Variants in FYB2 observed in about 807,000 individuals in gnomAD.
FYB2 encodes the protein FYN-binding protein 2.
A neutral mutation model predicts 94.1 loss-of-function variants in FYB2; 103 were observed. The ratio of observed to expected loss-of-function variants is 1.09; its 90% CI spans 0.93 to 1.29. The LOEUF (loss-of-function observed/expected upper bound fraction) is 1.29. FYB2 is among the 50% of genes most tolerant of loss of function. The pLI, the probability that FYB2 is intolerant of heterozygous loss-of-function variation, is 0.00. For missense variants in FYB2, 896 were observed against 841.5 expected, an observed-to-expected ratio of 1.06 and a Z score of -0.80; for synonymous variants, 293 against 287.9, an observed-to-expected ratio of 1.02 and a Z score of -0.18.
chr1:56,775,300 C>A (rs1228277488), intron 4 of FYB2, among the ~76,000 whole-genome samples: 1 of 152,080 alleles, frequency 6.6e-6, no homozygotes, highest in Non-Finnish European at 1.5e-5. Flanking sequence ...ATATGTAACC[C>A]AGTTATTTCT....
chr1:56,745,516 A>G (rs1645048186), intron 9 of FYB2, among the ~76,000 whole-genome samples: 1 of 151,960 alleles, frequency 6.6e-6, no homozygotes, highest in Non-Finnish European at 1.5e-5. Flanking sequence ...CTTCCAATCC[A>G]AAGCCATCTG....
chr1:56,745,963 G>A (rs551449248), intron 9 of FYB2, among the ~76,000 whole-genome samples: 1 of 151,910 alleles, frequency 6.6e-6, no homozygotes, highest in South Asian at 2.1e-4. Flanking sequence ...TCATATCCTA[G>A]ATACACATAT....
intron 6 of FYB2, among the ~76,000 whole-genome samples, chr1:56,758,387 T>A (rs1044113015): frequency 1.3e-5 from 2 of 152,080 alleles, no homozygotes; most frequent in African/African-American, 4.8e-5. Context: ...CTAAGGGGTC[T>A]GAAAGCCAGG....
In FYB2 at chr1:56,740,781, T is replaced by A. The variant is rs1235158238; in HGVS notation, c.1619A>T (p.Glu540Val). 3.1e-6 allele frequency: 5 copies of A among 1,602,154 alleles called. No homozygotes were observed. The African/African-American group carries it at 4.0e-5, about 13-fold the overall frequency. ...NYPKIDLDGK[E>V]ALKRLQQFFK... ...GAATTGCTGCAGTCTTTTGAGTGCT[T>A]CTTTTCCATCTAAACTGAGAGGAAT... The change falls in exon 13 of 20, where the codon GAA (glutamate) becomes GTA (valine). Residue 540 changes from glutamate to valine, a missense_variant. Transcript: ENST00000343433.
At chr1:56,815,179 C>T (rs551553868) in intron 1 of FYB2, among the ~76,000 whole-genome samples, 1 of 152,254 alleles carries the variant, frequency 6.6e-6, no homozygotes, top group South Asian at 2.1e-4. Flanking sequence ...TATCACCCTG[C>T]CATATTACCC....
intron 3 of FYB2, 29 bp downstream of exon 3, chr1:56,788,944 C>G (rs910993182): frequency 6.2e-7 from 1 of 1,613,826 alleles, no homozygotes; most frequent in Non-Finnish European, 8.5e-7. Context: ...CCTGGTTGGC[C>G]TTGTGTAGGG....
intron 1 of FYB2, among the ~76,000 whole-genome samples, chr1:56,817,565 G>A (rs972623992): frequency 2.0e-5 from 3 of 152,088 alleles, no homozygotes; most frequent in African/African-American, 4.8e-5. Context: ...ATCTTCAACC[G>A]TTTGGTTCAC....
intron 4 of FYB2, among the ~76,000 whole-genome samples, chr1:56,774,092 A>C (rs1048600237): frequency 6.6e-6 from 1 of 152,218 alleles, no homozygotes; most frequent in Non-Finnish European, 1.5e-5. Flanking sequence ...GTTCAAAAAA[A>C]TATATGATGA....
At chr1:56,731,228 A>G (rs1209079841) in intron 15 of FYB2, among the ~76,000 whole-genome samples, 2 of 152,166 alleles carry the variant, frequency 1.3e-5, no homozygotes, top group Non-Finnish European at 2.9e-5. Flanking sequence ...GTGGCAGGAA[A>G]GATCGCTGGC....
chr1:56,742,049 C>T (rs1569937153), intron 12 of FYB2, 112 bp downstream of exon 12: 6 of 732,066 alleles, frequency 8.2e-6, no homozygotes, highest in South Asian at 6.8e-5. Flanking sequence ...TGATGGGAGT[C>T]GGGGGTGGCA....
At chr1:56,722,659 C>T (rs985950608) in intron 17 of FYB2, among the ~76,000 whole-genome samples, 1 of 151,966 alleles carries the variant, frequency 6.6e-6, no homozygotes, top group Non-Finnish European at 1.5e-5. Flanking sequence ...GGTGGAGGTT[C>T]ATTCGAGGGA....
At chr1:56,780,215 T>A (rs1159927229) in intron 4 of FYB2, among the ~76,000 whole-genome samples, 1 of 152,180 alleles carries the variant, frequency 6.6e-6, no homozygotes, top group African/African-American at 2.4e-5. Flanking sequence ...TTCTCAATCA[T>A]GACTTTTCTG....
intron 1 of FYB2, among the ~76,000 whole-genome samples, chr1:56,818,356 C>A (rs1313295320): frequency 6.6e-6 from 1 of 151,482 alleles, no homozygotes; most frequent in Admixed American, 6.6e-5. Flanking sequence ...TAAAATGGAT[C>A]CTCTGCCCTG....
At chr1:56,723,758 C>T (rs1644532048) in intron 16 of FYB2, 77 bp from the exon 17 acceptor site, 1 of 768,466 alleles carries the variant, frequency 1.3e-6, no homozygotes. Context: ...GAAGTCACTT[C>T]ATTTCAGGAT....
At chr1:56,757,747 T>TTTCTTTCC (rs1557617428) in intron 6 of FYB2, among the ~76,000 whole-genome samples, 21 of 128,786 alleles carry the variant, frequency 1.6e-4, no homozygotes, top group African/African-American at 6.4e-4. Context: ...TCTTTCTTTC[T>TTTCTTTCC]TTCTTTCTTT....
chr1:56,767,044 T>G (rs1645640006), intron 5 of FYB2, among the ~76,000 whole-genome samples: 1 of 152,198 alleles, frequency 6.6e-6, no homozygotes, highest in South Asian at 2.1e-4. Context: ...ATGTTCAGTT[T>G]CCTGTATCAA....
At chr1:56,824,280 A>G (rs7548156), upstream of FYB2, 40,721 of 152,310 alleles carry the variant, frequency 0.27, 5,550 homozygotes, top group Middle Eastern at 0.3. Flanking sequence ...AGGGCCACAT[A>G]TCTGGTGAGG....
rs183992162 is a variant in FYB2, at chr1:56,790,785, T to G, written c.757+1271A>C. 1.9e-4 allele frequency among the ~76,000 whole-genome samples: 29 copies of G among 152,318 alleles called. 1 individual carries two copies. The highest frequency in any genetic ancestry group is 6.7e-4 in the African/African-American group (28 of 41,564). ...GAAGGAAATAAGGTAGGATGACAAG[T>G]GTGAGCTGTTGATGATGAGGCAGTA... On this transcript the variant is annotated intron_variant, in intron 2 of 19. Transcript: ENST00000343433.
Position 56,799,103 on chromosome 1 carries a change from A to G in FYB2, c.10-6300T>C, listed in dbSNP as rs1056235779. ...ATATATGATGTCTTAATTAATTTCC[A>G]CAATAACCCCACCAATTAGGCGATT... On this transcript the variant is annotated intron_variant, in intron 1 of 19. Coordinates refer to ENST00000343433, the MANE Select transcript of FYB2 (RefSeq NM_001004303.5). 1.5e-3 allele frequency among the ~76,000 whole-genome samples: 223 copies of G among 152,212 alleles called. 8 individuals are homozygous for G. The highest frequency in any genetic ancestry group is 0.014 in the Admixed American group (220 of 15,280).
Sources: allele counts gnomAD v4.1 joint callset (sites outside exome capture counted in the v4.1 genomes callset), GRCh38; gene constraint gnomAD v4.1.1; transcripts MANE v1.5; gene names NCBI Gene and HGNC (gene_info 2026-07-23, HGNC 2026-07-21).